THSD4: variants seen among roughly 807,000 people sequenced by gnomAD.
The protein encoded by THSD4 is thrombospondin type-1 domain-containing protein 4.
In THSD4, 69 loss-of-function variants were observed where a neutral mutation model predicts 119.0. The observed-to-expected ratio is 0.58, with a 90% CI of 0.48 to 0.71. The LOEUF is 0.71. THSD4 is among the 30% of genes least tolerant of loss of function. THSD4 has a pLI of 0.00. For missense variants in THSD4, 1,393 were observed against 1,391.1 expected, an observed-to-expected ratio of 1.00 and a Z score of -0.02; for synonymous variants, 524 against 540.4, an observed-to-expected ratio of 0.97 and a Z score of 0.42.
At chr15:71,744,316 G>A (rs1285277536) in intron 11 of THSD4, among the ~76,000 whole-genome samples, 5 of 151,908 alleles carry the variant, frequency 3.3e-5, no homozygotes, top group East Asian at 3.9e-4. Context: ...CATTCAACAC[G>A]GTCATTTATT....
chr15:71,711,801 G>A (rs1604336), intron 8 of THSD4, among the ~76,000 whole-genome samples: 148,016 of 152,182 alleles, frequency 0.97, 72,109 homozygotes, highest in East Asian at 1. Context: ...ACATTACCAA[G>A]AATGAAGAGG....
At chr15:71,478,766 C>G (rs74503960) in intron 7 of THSD4, among the ~76,000 whole-genome samples, 5,464 of 152,190 alleles carry the variant, frequency 0.036, 281 homozygotes, top group South Asian at 0.11. Context: ...CTCTGGCAAC[C>G]AAATGAGGGG....
chr15:71,266,367 G>A (rs1183318345), intron 6 of THSD4, among the ~76,000 whole-genome samples: 1 of 152,174 alleles, frequency 6.6e-6, no homozygotes, highest in Non-Finnish European at 1.5e-5. Context: ...CAGCAGAGGG[G>A]CCTGACTGTT....
At chr15:71,662,463 G>A in intron 8 of THSD4, among the ~76,000 whole-genome samples, 1 of 152,158 alleles carries the variant, frequency 6.6e-6, no homozygotes, top group East Asian at 1.9e-4. Flanking sequence ...ACTGCTATGA[G>A]ATCACATCTC....
chr15:71,665,551 C>G (rs1418103921), intron 8 of THSD4, among the ~76,000 whole-genome samples: 1 of 152,142 alleles, frequency 6.6e-6, no homozygotes, highest in African/African-American at 2.4e-5. Flanking sequence ...CTTTTAGCAT[C>G]TTCATCATGA....
intron 7 of THSD4, among the ~76,000 whole-genome samples, chr15:71,647,219 T>A (rs1358296664): frequency 6.6e-6 from 1 of 152,228 alleles, no homozygotes; most frequent in Non-Finnish European, 1.5e-5. Flanking sequence ...ATATTGTTAG[T>A]GCAGTCTCTT....
intron 7 of THSD4, among the ~76,000 whole-genome samples, chr15:71,465,485 T>C (rs1452148282): frequency 1.3e-5 from 2 of 152,232 alleles, no homozygotes; most frequent in African/African-American, 2.4e-5. Flanking sequence ...AGCTAATTGA[T>C]AGATTTATGC....
intron 6 of THSD4, among the ~76,000 whole-genome samples, chr15:71,410,875 A>T (rs929577684): frequency 1.3e-5 from 2 of 149,714 alleles, no homozygotes. Context: ...CTACTAAAAA[A>T]TACACACACA....
At chr15:71,266,232 T>C (rs1432268176) in intron 6 of THSD4, among the ~76,000 whole-genome samples, 4 of 151,678 alleles carry the variant, frequency 2.6e-5, no homozygotes, top group African/African-American at 4.8e-5. Context: ...CTAGTGGGGG[T>C]CCCTCTGGGA....
At chr15:71,449,457 A>C (rs919031025) in intron 7 of THSD4, among the ~76,000 whole-genome samples, 5 of 152,164 alleles carry the variant, frequency 3.3e-5, no homozygotes, top group African/African-American at 1.2e-4. Context: ...CAGGTTAATT[A>C]ACCTCTCTGC....
At chr15:71,362,339 C>A (rs1241947963) in intron 6 of THSD4, among the ~76,000 whole-genome samples, 1 of 152,104 alleles carries the variant, frequency 6.6e-6, no homozygotes, top group Non-Finnish European at 1.5e-5. Context: ...ACTCTTTACT[C>A]CTTTGTACCT....
At chr15:71,327,647 T>C (rs917110264) in intron 6 of THSD4, among the ~76,000 whole-genome samples, 3 of 151,578 alleles carry the variant, frequency 2.0e-5, no homozygotes, top group Admixed American at 2.0e-4. Flanking sequence ...CCCCACCCAC[T>C]GTGGAAAAAA....
At chr15:71,735,050 G>A (rs1275405378) in intron 10 of THSD4, among the ~76,000 whole-genome samples, 1 of 151,964 alleles carries the variant, frequency 6.6e-6, no homozygotes, top group Non-Finnish European at 1.5e-5. Context: ...GAAACCAGTA[G>A]ATAATTCAAT....
In THSD4 at chr15:71,771,061, C is replaced by A; in HGVS notation, c.2770-3C>A. On this transcript the variant is annotated splice_region_variant and splice_polypyrimidine_tract_variant and intron_variant, in intron 16 of 17. Transcript: ENST00000261862. Reference sequence around the variant, plus strand: ...CTGATGTTTTCCCTTTGTTCCCATGCAGTGTTCCAAGAGCTGCCAGGGTGG... The same window carrying A: ...CTGATGTTTTCCCTTTGTTCCCATGAAGTGTTCCAAGAGCTGCCAGGGTGG... 1 of 1,613,674 alleles carries A rather than the reference C, an allele frequency of 6.2e-7. No homozygotes were observed. Among genetic ancestry groups the A allele is most frequent in the South Asian group, 1.1e-5 (1 of 90,942 alleles).
At chr15:71,168,114 T>C (rs624734) in intron 3 of THSD4, among the ~76,000 whole-genome samples, 5,681 of 152,288 alleles carry the variant, frequency 0.037, 365 homozygotes, top group African/African-American at 0.13. Flanking sequence ...TTAAAGATAC[T>C]TGGCAAATGA....
rs755906056 is a variant in THSD4 at position 71,241,009 on chromosome 15, G to T, written c.465-1640G>T. ...GAATGAAGGTGCAATTAGTAATAAA[G>T]ATGTTAATAATTAGTTGTGGTCTAT... On this transcript the variant is annotated intron_variant, in intron 4 of 17. Transcript: ENST00000261862. Among the ~76,000 whole-genome samples the T allele has an allele frequency of 4.5e-4, 69 of 152,274 alleles. 2 individuals are homozygous for T. Among genetic ancestry groups the T allele is most frequent in the Middle Eastern group, 3.4e-3 (1 of 294 alleles).
intron 11 of THSD4, among the ~76,000 whole-genome samples, chr15:71,743,891 G>A (rs1054977544): frequency 1.3e-5 from 2 of 152,180 alleles, no homozygotes; most frequent in Admixed American, 1.3e-4. Flanking sequence ...TAAGGAGTTG[G>A]AACTTCAGAA....
At chr15:71,361,617 T>C (rs564896315) in intron 6 of THSD4, among the ~76,000 whole-genome samples, 1 of 152,160 alleles carries the variant, frequency 6.6e-6, no homozygotes, top group African/African-American at 2.4e-5. Flanking sequence ...ATAAATGCAC[T>C]TTTTTTTGAC....
intron 7 of THSD4, among the ~76,000 whole-genome samples, chr15:71,608,032 G>C (rs911679677): frequency 3.9e-5 from 6 of 151,988 alleles, no homozygotes; most frequent in Non-Finnish European, 8.8e-5. Context: ...GATGAGCCTG[G>C]CCAACGTGGT....
Sources: gnomAD v4.1 joint callset for allele counts (sites outside exome capture counted in the v4.1 genomes callset) on GRCh38, gnomAD v4.1.1 for gene constraint, MANE v1.5 for transcripts, NCBI Gene and HGNC (gene_info 2026-07-23, HGNC 2026-07-21) for gene names.